The following ITGA9 variants were observed in gnomAD, a reference collection of about 807,000 sequenced individuals.
The protein encoded by ITGA9 is integrin subunit alpha 9, also known as integrin alpha-9.
Under a neutral mutation model 127.8 loss-of-function variants are expected in ITGA9, and 56 were observed. The ratio of observed to expected loss-of-function variants is 0.44; its 90% CI spans 0.35 to 0.55. The LOEUF (loss-of-function observed/expected upper bound fraction) is 0.55. ITGA9 is among the 20% of genes least tolerant of loss of function. ITGA9 has a pLI of 0.00. For missense variants in ITGA9, 1,196 were observed against 1,347.1 expected, an observed-to-expected ratio of 0.89 and a Z score of 1.76; for synonymous variants, 508 against 514.5, an observed-to-expected ratio of 0.99 and a Z score of 0.17.
At chr3:37,773,415 C>A (rs892186708) in intron 23 of ITGA9, among the ~76,000 whole-genome samples, 1 of 152,214 alleles carries the variant, frequency 6.6e-6, no homozygotes, top group African/African-American at 2.4e-5. Flanking sequence ...TGGAGACCTA[C>A]AGGCTTTGGA....
At chr3:37,620,709 G>A (rs1292397869) in intron 15 of ITGA9, among the ~76,000 whole-genome samples, 1 of 152,080 alleles carries the variant, frequency 6.6e-6, no homozygotes, top group Non-Finnish European at 1.5e-5. Context: ...GACCTCCATA[G>A]TATCTTCACC....
At chr3:37,639,192 G>C (rs1232838088) in intron 16 of ITGA9, among the ~76,000 whole-genome samples, 2 of 152,190 alleles carry the variant, frequency 1.3e-5, no homozygotes, top group African/African-American at 4.8e-5. Context: ...GCAGGAAAAA[G>C]ACAACCTTTT....
At chr3:37,635,033 A>T (rs1157812977) in intron 16 of ITGA9, among the ~76,000 whole-genome samples, 1 of 152,238 alleles carries the variant, frequency 6.6e-6, no homozygotes, top group Non-Finnish European at 1.5e-5. Context: ...AAATTTAAGA[A>T]TTTCTTAAGA....
At chr3:37,685,594 G>A (rs1056431653) in intron 18 of ITGA9, among the ~76,000 whole-genome samples, 1 of 152,138 alleles carries the variant, frequency 6.6e-6, no homozygotes, top group Non-Finnish European at 1.5e-5. Flanking sequence ...GGCTTCCTTG[G>A]GGATTTGATC....
intron 1 of ITGA9, among the ~76,000 whole-genome samples, chr3:37,465,971 G>A (rs377551396): frequency 6.6e-6 from 1 of 152,138 alleles, no homozygotes; most frequent in African/African-American, 2.4e-5. Context: ...CTACAGCTTG[G>A]CATCTTAACA....
At chr3:37,719,815 T>C (rs150290682) in intron 18 of ITGA9, among the ~76,000 whole-genome samples, 81 of 152,238 alleles carry the variant, frequency 5.3e-4, no homozygotes, top group Admixed American at 8.5e-4. Flanking sequence ...ACAAACTAAT[T>C]GCACCCCAAT....
intron 18 of ITGA9, among the ~76,000 whole-genome samples, chr3:37,708,100 A>T (rs1300296950): frequency 2.0e-5 from 3 of 152,208 alleles, no homozygotes; most frequent in Non-Finnish European, 4.4e-5. Context: ...TTAGCTAGGC[A>T]GTTTTTCAGT....
rs1374889798 is a variant in ITGA9, at chr3:37,744,039, C to G, written c.2433+5C>G. ...CCCATCAATATCACCCTTCAGGTAC[C>G]CACTCCTGGAGACCTCCTCTGTCCG... On this transcript the variant is annotated splice_donor_5th_base_variant and intron_variant, in intron 22 of 27. Transcript: ENST00000264741. 1 of 1,591,920 alleles carries G rather than the reference C, an allele frequency of 6.3e-7. No homozygotes were observed. Among genetic ancestry groups the G allele is most frequent in the Non-Finnish European group, 8.6e-7 (1 of 1,159,704 alleles).
chr3:37,648,535 GA>G (rs1700400877), intron 16 of ITGA9, among the ~76,000 whole-genome samples: 1 of 152,074 alleles, frequency 6.6e-6, no homozygotes, highest in South Asian at 2.1e-4. Context: ...GCTGAGGTAG[GA>G]GGATCGCTTG....
intron 5 of ITGA9, among the ~76,000 whole-genome samples, chr3:37,501,417 A>T (rs1043416824): frequency 3.9e-5 from 6 of 152,228 alleles, no homozygotes; most frequent in Non-Finnish European, 8.8e-5. Flanking sequence ...AATTTTAAAA[A>T]GTCAAGATTA....
intron 7 of ITGA9, among the ~76,000 whole-genome samples, chr3:37,506,711 G>T (rs1221061673): frequency 6.6e-6 from 1 of 152,202 alleles, no homozygotes; most frequent in Non-Finnish European, 1.5e-5. Context: ...AACTACGCTT[G>T]TTGGTTCTTT....
At chr3:37,746,908 C>T (rs1327832643) in intron 22 of ITGA9, among the ~76,000 whole-genome samples, 1 of 152,156 alleles carries the variant, frequency 6.6e-6, no homozygotes, top group African/African-American at 2.4e-5. Flanking sequence ...TACATCCTGT[C>T]ATGTGTGAAG....
chr3:37,557,421 G>A (rs1033904879), intron 15 of ITGA9, among the ~76,000 whole-genome samples: 10 of 152,284 alleles, frequency 6.6e-5, no homozygotes, highest in South Asian at 2.1e-4. Flanking sequence ...CTAGGGAAGC[G>A]CCCAGGCTGA....
At chr3:37,529,705 C>G (rs1419316282) in intron 13 of ITGA9, among the ~76,000 whole-genome samples, 5 of 152,156 alleles carry the variant, frequency 3.3e-5, no homozygotes, top group Admixed American at 3.3e-4. Flanking sequence ...CTATGTGAAC[C>G]CTGATGCCCT....
At chr3:37,571,229 T>C (rs901736238) in intron 15 of ITGA9, among the ~76,000 whole-genome samples, 5 of 152,120 alleles carry the variant, frequency 3.3e-5, no homozygotes, top group African/African-American at 1.2e-4. Context: ...CACACACTAG[T>C]TGTCCAAGAG....
intron 3 of ITGA9, among the ~76,000 whole-genome samples, chr3:37,478,390 C>T (rs989071165): frequency 2.0e-5 from 3 of 152,026 alleles, no homozygotes; most frequent in Non-Finnish European, 4.4e-5. Flanking sequence ...GTGTTGTTTC[C>T]ATACAACAAA....
intron 22 of ITGA9, chr3:37,748,121 CA>C: frequency 2.1e-6 from 1 of 483,074 alleles, no homozygotes; most frequent in South Asian, 1.6e-5. Context: ...ATGTCGAACA[CA>C]AAGGGAAAGA....
At chr3:37,507,205 A>G (rs1559522922) in intron 7 of ITGA9, among the ~76,000 whole-genome samples, 4 of 152,138 alleles carry the variant, frequency 2.6e-5, no homozygotes. Context: ...ACCTTCGATC[A>G]CCTCAAGAAA....
At chr3:37,634,979 C>G (rs907042637) in intron 16 of ITGA9, among the ~76,000 whole-genome samples, 1 of 152,138 alleles carries the variant, frequency 6.6e-6, no homozygotes, top group Non-Finnish European at 1.5e-5. Context: ...AATTAAATAA[C>G]ATGGTCCTGA....
Sources: allele counts gnomAD v4.1 joint callset (sites outside exome capture counted in the v4.1 genomes callset), GRCh38; gene constraint gnomAD v4.1.1; transcripts MANE v1.5; gene names NCBI Gene and HGNC (gene_info 2026-07-23, HGNC 2026-07-21).